Variants in APOBEC3B observed in about 807,000 individuals in gnomAD.
APOBEC3B encodes the protein DNA dC->dU-editing enzyme APOBEC-3B.
Under a neutral mutation model 53.4 loss-of-function variants are expected in APOBEC3B, and 29 were observed. That is an observed-to-expected ratio of 0.54 (90% CI 0.40 to 0.74). APOBEC3B has a LOEUF of 0.74. Among genes scored for constraint, APOBEC3B ranks in the 30% least tolerant of loss-of-function variants. The pLI is 0.00. For synonymous variants in APOBEC3B, 132 were observed against 184.8 expected (o/e 0.71, Z 2.32); for missense variants, 347 against 496.2 (o/e 0.70, Z 2.86).
At chr22:38,982,567 AGCCCT>A in intron 1 of APOBEC3B, 97 bp downstream of exon 1, 2 of 1,097,646 alleles carry the variant, frequency 1.8e-6, no homozygotes, top group Non-Finnish European at 2.4e-6. Flanking sequence ...CCCCTGCCCC[AGCCCT>A]GGGCTCCCTC....
At position 38,991,662 on chromosome 22, in the gene APOBEC3B, G is replaced by A. The variant is rs560387218; in HGVS notation, c.1018+36G>A. The A allele has an allele frequency of 6.6e-5, 38 of 578,328 alleles. 1 individual carries two copies. The highest frequency in any genetic ancestry group is 1.1e-4 in the Non-Finnish European group (34 of 320,218). The allele number at this position is 578,328 out of a possible 1,614,324, so 35.8% of individuals were successfully genotyped here. ...AAGGTTCAGGTGGGGTGGGGTGGGT[G>A]GGGGCAGGAGAGGTTCCTGGGAAGA... is the stretch of plus-strand genomic sequence containing the variant. On this transcript the variant is annotated intron_variant, in intron 6 of 7. Coordinates refer to ENST00000333467, the MANE Select transcript of APOBEC3B (RefSeq NM_004900.5).
rs1418122825 is a variant in APOBEC3B at position 38,982,439 on chromosome 22, T to C, written c.-15T>C. 1 of 1,593,336 alleles carries C rather than the reference T, an allele frequency of 6.3e-7. No individual in the cohort carries two copies. Among genetic ancestry groups the C allele is most frequent in the South Asian group, 1.1e-5 (1 of 88,790 alleles). ...AAAGAGCGGGACAGGGACAAGCGTA[T>C]CTAAGAGGCTGAACATGAATCCACA... On this transcript the variant is annotated 5_prime_UTR_variant, in exon 1 of 8. Transcript: ENST00000333467.
rs879915373 is a variant in APOBEC3B, at chr22:38,990,936, G to T, written c.724-396G>T. On this transcript the variant is annotated intron_variant, in intron 5 of 7. Transcript: ENST00000333467. Reference sequence around the variant, plus strand: ...TACAAAATTGATGGGGGCTCCAAATGCTCAGTAATTAGAGAAAACACATTT... The same window carrying T: ...TACAAAATTGATGGGGGCTCCAAATTCTCAGTAATTAGAGAAAACACATTT... 2.2e-3 allele frequency among the ~76,000 whole-genome samples: 327 copies of T among 146,798 alleles called. 18 individuals carry two copies. Among genetic ancestry groups the T allele is most frequent in the Middle Eastern group, 0.017 (5 of 292 alleles).
In APOBEC3B at chr22:38,986,400, AG is replaced by A; in HGVS notation, c.559del (p.Glu187ArgfsTer6). 1 of 1,593,434 alleles carries A rather than the reference AG, an allele frequency of 6.3e-7. No homozygotes were observed. The highest frequency in any genetic ancestry group is 8.5e-7 in the Non-Finnish European group (1 of 1,172,324). The stretch of plus-strand genomic sequence containing the variant: ...TATGCATTCCTGCACCGCACGCTAA[AG>A]GAGATTCTCAGGTGAGGGTCTCCCT... Reference protein sequence around the residue: ...ENYAFLHRTLKEILRYLMDPD... With the variant: ...ENYAFLHRTLXEILRYLMDPD... On this transcript the variant is annotated frameshift_variant, in exon 4 of 8. Transcript: ENST00000333467. LOFTEE classifies it high-confidence loss of function.
At chr22:38,992,257 C>T in intron 7 of APOBEC3B, 108 bp downstream of exon 7, 4 of 1,542,166 alleles carry the variant, frequency 2.6e-6, no homozygotes, top group Non-Finnish European at 3.5e-6. Flanking sequence ...GTTCCCTGCT[C>T]CCCACAGGGC....
chr22:38,990,226 TG>T (rs1261817677), intron 5 of APOBEC3B, among the ~76,000 whole-genome samples: 3 of 148,240 alleles, frequency 2.0e-5, no homozygotes, highest in Non-Finnish European at 4.5e-5. Context: ...TGCTGGAAAC[TG>T]GGGGCTTCTC....
intron 2 of APOBEC3B, among the ~76,000 whole-genome samples, chr22:38,985,217 T>A (rs970508669): frequency 6.8e-6 from 1 of 147,846 alleles, no homozygotes; most frequent in African/African-American, 2.5e-5. Flanking sequence ...ACAGTTCTGT[T>A]TTTTTGTTTT....
In APOBEC3B at chr22:38,992,495, G is replaced by C; in HGVS notation, c.*50G>C. 1 of 1,514,480 alleles carries C rather than the reference G, an allele frequency of 6.6e-7. No individual in the cohort carries two copies. The highest frequency in any genetic ancestry group is 8.8e-7 in the Non-Finnish European group (1 of 1,133,114). 93.8% of individuals were successfully genotyped at this position (1,514,480 alleles called of 1,614,324 possible). The stretch of plus-strand genomic sequence containing the variant: ...AGGCAGAGACCTGGGTTGAGCAGCA[G>C]AATAAAAGATCTTCTTCCAAGAAAT... On this transcript the variant is annotated 3_prime_UTR_variant, in exon 8 of 8. Coordinates refer to ENST00000333467, the MANE Select transcript of APOBEC3B (RefSeq NM_004900.5).
chr22:38,983,780 C>T (rs192866003), intron 1 of APOBEC3B, among the ~76,000 whole-genome samples: 17 of 149,092 alleles, frequency 1.1e-4, no homozygotes, highest in African/African-American at 4.1e-4. Flanking sequence ...CTTTTGCATT[C>T]TCCTAATGGG....
chr22:38,992,313 T>A, intron 7 of APOBEC3B, 118 bp from the exon 8 acceptor site: 1 of 1,535,722 alleles, frequency 6.5e-7, no homozygotes, highest in Non-Finnish European at 8.8e-7. Context: ...TCCTTCTCTT[T>A]CCCACCTCCC....
At chr22:38,985,512 G>C (rs1383019045) in intron 2 of APOBEC3B, among the ~76,000 whole-genome samples, 2 of 148,690 alleles carry the variant, frequency 1.3e-5, no homozygotes, top group Non-Finnish European at 3.0e-5. Flanking sequence ...GCAAGAGACA[G>C]AAAGAGGGGC....
chr22:38,982,510 C>A (rs1298828541), intron 1 of APOBEC3B, 40 bp downstream of exon 1: 1 of 1,591,458 alleles, frequency 6.3e-7, no homozygotes, highest in East Asian at 2.5e-5. Flanking sequence ...CCTCCTGCCC[C>A]TTCCTGCCTG....
intron 4 of APOBEC3B, among the ~76,000 whole-genome samples, chr22:38,988,928 C>T (rs571795509): frequency 2.1e-5 from 3 of 146,242 alleles, no homozygotes; most frequent in African/African-American, 7.4e-5. Context: ...TGGGAGACCT[C>T]ATGGCATCCA....
intron 4 of APOBEC3B, among the ~76,000 whole-genome samples, chr22:38,988,735 TTCTTTCTTTCTTCCTTTCTTCTCTCTCG>T (rs1923865248): frequency 8.3e-6 from 1 of 119,940 alleles, no homozygotes; most frequent in African/African-American, 3.2e-5. Flanking sequence ...CTTTCTTTCT[TTCTTTCTTTCTTCCTTTCTTCTCTCTCG>T]TCTTTCTTCT....
rs568066803 is a variant in APOBEC3B at position 38,982,619 on chromosome 22, C to T, written c.17+149C>T. 2.4e-5 allele frequency: 24 copies of T among 1,002,168 alleles called. 1 individual carries two copies. Among genetic ancestry groups the T allele is most frequent in the Middle Eastern group, 3.1e-4 (1 of 3,222 alleles). The allele number at this position is 1,002,168 out of a possible 1,614,324, so 62.1% of individuals were successfully genotyped here. A position where few individuals can be genotyped will look rare whatever the true frequency, so the allele number is the denominator to read the frequency against. ...CCCTGCCACACGAATCCCAGTCAGG[C>T]TCTTTGTCCTGCTGTGTGGTCACCC... On this transcript the variant is annotated intron_variant, in intron 1 of 7. Coordinates refer to ENST00000333467, the MANE Select transcript of APOBEC3B (RefSeq NM_004900.5).
intron 2 of APOBEC3B, among the ~76,000 whole-genome samples, chr22:38,984,825 A>G (rs1192873139): frequency 6.8e-6 from 1 of 147,644 alleles, no homozygotes; most frequent in Admixed American, 7.0e-5. Flanking sequence ...AAACACAACA[A>G]TAAGTAAAAT....
At chr22:38,984,415 A>T (rs1335063398) in intron 2 of APOBEC3B, among the ~76,000 whole-genome samples, 184 bp downstream of exon 2, 1 of 148,732 alleles carries the variant, frequency 6.7e-6, no homozygotes, top group Non-Finnish European at 1.5e-5. Flanking sequence ...CAGAAGCAGA[A>T]CAAAGGCGAT....
intron 2 of APOBEC3B, among the ~76,000 whole-genome samples, chr22:38,984,895 C>CTT (rs11308471): frequency 7.1e-4 from 60 of 84,794 alleles, no homozygotes; most frequent in Non-Finnish European, 9.6e-4. Context: ...TCTTTTTTTC[C>CTT]TTTTTTTTTT....
chr22:38,982,409 C>T lies in APOBEC3B; in HGVS notation c.-45C>T, dbSNP rs1923568884. 6 of 1,591,970 alleles carry T rather than the reference C, an allele frequency of 3.8e-6. 2 individuals are homozygous for T. The Admixed American group carries it at 1.1e-4, about 28-fold the overall frequency. ...AGCAGGAAGTGAAACCACAGAGCTT[C>T]AAAAAAAGAGCGGGACAGGGACAAG... On this transcript the variant is annotated 5_prime_UTR_variant, in exon 1 of 8. Coordinates refer to ENST00000333467, the MANE Select transcript of APOBEC3B (RefSeq NM_004900.5).
Sources: gnomAD v4.1 joint callset for allele counts (sites outside exome capture counted in the v4.1 genomes callset) on GRCh38, gnomAD v4.1.1 for gene constraint, MANE v1.5 for transcripts, NCBI Gene and HGNC (gene_info 2026-07-23, HGNC 2026-07-21) for gene names.